ARHGAP26: variants seen among roughly 807,000 people sequenced by gnomAD.
ARHGAP26 encodes the protein rho GTPase-activating protein 26.
In ARHGAP26, 38 loss-of-function variants were observed where a neutral mutation model predicts 104.8. That is an observed-to-expected ratio of 0.36 (90% CI 0.28 to 0.48). The LOEUF (loss-of-function observed/expected upper bound fraction) is 0.48. Ranked by LOEUF, ARHGAP26 falls within the 20% of genes least tolerant of loss-of-function variation. The pLI, the probability that ARHGAP26 is intolerant of heterozygous loss-of-function variation, is 0.99. For missense variants in ARHGAP26, 704 were observed against 947.9 expected (o/e 0.74, Z 3.38); for synonymous variants, 341 against 340.0 (o/e 1.00, Z -0.03).
intron 20 of ARHGAP26, among the ~76,000 whole-genome samples, chr5:143,204,096 T>C (rs1456851411): frequency 1.5e-4 from 23 of 151,890 alleles, no homozygotes; most frequent in Non-Finnish European, 2.2e-4. Context: ...AGAAGTACTA[T>C]GGAGTATGCA....
chr5:143,157,040 C>T (rs1800555183), intron 20 of ARHGAP26, among the ~76,000 whole-genome samples: 1 of 152,142 alleles, frequency 6.6e-6, no homozygotes, highest in South Asian at 2.1e-4. Context: ...AGCTCTCAGG[C>T]TATGTGATAC....
intron 12 of ARHGAP26, among the ~76,000 whole-genome samples, chr5:143,033,060 A>G (rs1232954095): frequency 6.6e-6 from 1 of 152,242 alleles, no homozygotes; most frequent in African/African-American, 2.4e-5. Context: ...TATCATCAAT[A>G]TGCAATTTTA....
At chr5:143,090,154 C>T (rs1391487229) in intron 17 of ARHGAP26, among the ~76,000 whole-genome samples, 2 of 152,238 alleles carry the variant, frequency 1.3e-5, no homozygotes, top group African/African-American at 4.8e-5. Context: ...GGGGGCTGAC[C>T]CGCAGGGTGC....
chr5:143,019,263 CT>C (rs986854415), intron 12 of ARHGAP26, among the ~76,000 whole-genome samples: 8 of 151,790 alleles, frequency 5.3e-5, no homozygotes, highest in Non-Finnish European at 1.2e-4. Flanking sequence ...ATTGTTTCTT[CT>C]TAAGCTTTTT....
At chr5:143,129,515 T>C (rs976183309) in intron 18 of ARHGAP26, among the ~76,000 whole-genome samples, 7 of 152,146 alleles carry the variant, frequency 4.6e-5, no homozygotes, top group Non-Finnish European at 1.0e-4. Context: ...TCTCTCAAAT[T>C]AATAGTAGCT....
intron 19 of ARHGAP26, among the ~76,000 whole-genome samples, chr5:143,142,388 C>T (rs1471728190): frequency 1.3e-5 from 2 of 152,014 alleles, no homozygotes; most frequent in Non-Finnish European, 2.9e-5. Context: ...GATCCACCTG[C>T]CTCGGCCTCC....
At chr5:142,843,581 G>A (rs576492760) in intron 1 of ARHGAP26, among the ~76,000 whole-genome samples, 1 of 151,894 alleles carries the variant, frequency 6.6e-6, no homozygotes, top group Non-Finnish European at 1.5e-5. Flanking sequence ...TATAATCCCT[G>A]TTTTTCTGCA....
Position 142,901,172 on chromosome 5 carries a change from A to T in ARHGAP26, c.598-763A>T, listed in dbSNP as rs548924207. Among the ~76,000 whole-genome samples the T allele has an allele frequency of 3.0e-4, 45 of 152,086 alleles. No homozygotes were observed. In the South Asian group the frequency reaches 8.7e-3, roughly 29 times the overall value. On this transcript the variant is annotated intron_variant, in intron 6 of 22. Transcript: ENST00000645722. ...GCTGGTAGGGGCTCAGGGAGGGGAC[A>T]TTAATAGTTTTTAAGTATATGAAGC...
chr5:142,933,346 T>C (rs1377524867), intron 11 of ARHGAP26, among the ~76,000 whole-genome samples: 1 of 151,860 alleles, frequency 6.6e-6, no homozygotes, highest in Non-Finnish European at 1.5e-5. Context: ...CTTAATGAAA[T>C]AAGTGCTGTG....
chr5:143,053,145 A>G (rs1785278125), intron 14 of ARHGAP26, among the ~76,000 whole-genome samples: 1 of 152,160 alleles, frequency 6.6e-6, no homozygotes, highest in African/African-American at 2.4e-5. Context: ...ATAACCTCCT[A>G]GTGCAAGCCC....
intron 19 of ARHGAP26, among the ~76,000 whole-genome samples, chr5:143,137,042 A>T (rs1797988987): frequency 6.6e-6 from 1 of 152,128 alleles, no homozygotes; most frequent in Admixed American, 6.5e-5. Flanking sequence ...TATTTAATAT[A>T]CTTCTTTAAG....
At position 142,871,283 on chromosome 5, in the gene ARHGAP26, A is replaced by T. The variant is rs1755253327; in HGVS notation, c.155-2117A>T. On this transcript the variant is annotated intron_variant, in intron 1 of 22. Transcript: ENST00000645722. This position sits in a 1 kb window ranked among gnomAD's most constrained non-coding sequence, Gnocchi z 4.1. ...ATGGGTGCCCCTGTGCAGAAGCCTCACAAAGGCCCCGTTGTGCATGACCAG... is the reference window on the plus strand; with the variant it reads ...ATGGGTGCCCCTGTGCAGAAGCCTCTCAAAGGCCCCGTTGTGCATGACCAG... Among the ~76,000 whole-genome samples, 2 of 152,182 alleles carry T rather than the reference A, an allele frequency of 1.3e-5. No homozygotes were observed. Among genetic ancestry groups the T allele is most frequent in the African/African-American group, 4.8e-5 (2 of 41,446 alleles).
intron 20 of ARHGAP26, among the ~76,000 whole-genome samples, chr5:143,162,103 A>G (rs766711604): frequency 6.6e-6 from 1 of 152,028 alleles, no homozygotes; most frequent in African/African-American, 2.4e-5. Flanking sequence ...CTGAAGCACA[A>G]GAGAGATTTC....
rs552554802 is a variant in ARHGAP26 at position 143,167,374 on chromosome 5, C to T, written c.1988+19993C>T. On this transcript the variant is annotated intron_variant, in intron 20 of 22. Transcript: ENST00000645722. The stretch of plus-strand genomic sequence containing the variant: ...GCATGCGCCTGTAATCCCAGCTACT[C>T]GGGAGGCTGAGACATGAGAATCACT... Among the ~76,000 whole-genome samples the T allele has an allele frequency of 1.1e-4, 16 of 145,832 alleles. No homozygotes were observed. The East Asian group carries it at 2.8e-3, about 26-fold the overall frequency.
chr5:143,196,030 ATATGT>A (rs1234972899), intron 20 of ARHGAP26, among the ~76,000 whole-genome samples: 1 of 152,168 alleles, frequency 6.6e-6, no homozygotes, highest in Non-Finnish European at 1.5e-5. Flanking sequence ...AATGCTACTA[ATATGT>A]TAAGGTACTT....
intron 1 of ARHGAP26, among the ~76,000 whole-genome samples, chr5:142,787,957 G>T (rs1759001356): frequency 1.4e-5 from 2 of 147,294 alleles, no homozygotes; most frequent in African/African-American, 5.1e-5. Context: ...TGGTTAGGTT[G>T]TATCTCTCTC....
chr5:143,136,758 T>G (rs1374625006), intron 19 of ARHGAP26, among the ~76,000 whole-genome samples: 2 of 152,166 alleles, frequency 1.3e-5, no homozygotes, highest in Non-Finnish European at 2.9e-5. Flanking sequence ...CTGTGAAGTT[T>G]TCACACACTT....
intron 11 of ARHGAP26, among the ~76,000 whole-genome samples, chr5:142,993,610 T>G (rs567441198): frequency 6.6e-6 from 1 of 151,928 alleles, no homozygotes; most frequent in South Asian, 2.1e-4. Flanking sequence ...CAGCCCTAAA[T>G]TCATTTTTAA....
intron 17 of ARHGAP26, among the ~76,000 whole-genome samples, chr5:143,063,730 T>TG (rs1238432155): frequency 6.6e-6 from 1 of 152,250 alleles, no homozygotes; most frequent in Admixed American, 6.5e-5. Flanking sequence ...CCCCAGCCTC[T>TG]GCCTGCCAAA....
Sources: gnomAD v4.1 joint callset for allele counts (sites outside exome capture counted in the v4.1 genomes callset) on GRCh38, gnomAD v4.1.1 for gene constraint, Gnocchi (gnomAD v3.1) non-coding constraint, MANE v1.5 for transcripts, NCBI Gene and HGNC (gene_info 2026-07-23, HGNC 2026-07-21) for gene names.